Variants in WWOX observed in about 807,000 individuals in gnomAD.
The protein encoded by WWOX is WW domain-containing oxidoreductase.
In WWOX, 69 loss-of-function variants were observed where a neutral mutation model predicts 46.2. The observed-to-expected ratio is 1.49, with a 90% CI of 1.23 to 1.82. The LOEUF is 1.82. WWOX is among the 40% of genes most tolerant of loss of function. The probability of loss-of-function intolerance (pLI) is 0.00; values close to 1 mark genes in which losing one functional copy is unlikely to be tolerated. For missense variants in WWOX, 919 were observed against 542.6 expected (o/e 1.69, Z -6.89); for synonymous variants, 359 against 202.6 (o/e 1.77, Z -6.56).
intron 5 of WWOX, among the ~76,000 whole-genome samples, chr16:78,359,528 G>A (rs2081365262): frequency 6.6e-6 from 1 of 152,040 alleles, no homozygotes; most frequent in Non-Finnish European, 1.5e-5. Flanking sequence ...CTATCTTAGA[G>A]CTGAAAGATA....
intron 8 of WWOX, among the ~76,000 whole-genome samples, chr16:78,870,847 C>G (rs990148457): frequency 1.3e-5 from 2 of 152,164 alleles, no homozygotes; most frequent in Non-Finnish European, 2.9e-5. Context: ...GGCAGTCTGC[C>G]CACCTCAGCT....
chr16:78,999,604 T>G (rs1393437658), intron 8 of WWOX, among the ~76,000 whole-genome samples: 1 of 152,138 alleles, frequency 6.6e-6, no homozygotes, highest in South Asian at 2.1e-4. Context: ...GTGAAGAAAT[T>G]TTAGGAATAC....
intron 8 of WWOX, among the ~76,000 whole-genome samples, chr16:79,019,857 C>G (rs1290005340): frequency 6.6e-6 from 1 of 152,156 alleles, no homozygotes; most frequent in Non-Finnish European, 1.5e-5. Flanking sequence ...TGATTTCAGG[C>G]TAGTTAAGCA....
rs28703128 is a variant in WWOX at position 78,300,577 on chromosome 16, C to A, written c.517-86283C>A. On this transcript the variant is annotated intron_variant, in intron 5 of 8. Transcript: ENST00000566780. ...CTCCCTCCCTTCCCTCTCTTCCTTT[C>A]GCATCTGACATCTCCAAATAGTTTT... is the stretch of plus-strand genomic sequence containing the variant. 4.0e-5 allele frequency among the ~76,000 whole-genome samples: 6 copies of A among 151,420 alleles called. No individual in the cohort carries two copies. In the East Asian group the frequency reaches 1.2e-3, roughly 30 times the overall value.
intron 5 of WWOX, among the ~76,000 whole-genome samples, chr16:78,366,338 C>A (rs373956425): frequency 6.6e-6 from 1 of 152,206 alleles, no homozygotes; most frequent in East Asian, 1.9e-4. Flanking sequence ...CTATGCCTAT[C>A]CACACATCCT....
At chr16:78,712,859 GC>G (rs1424057824) in intron 8 of WWOX, among the ~76,000 whole-genome samples, 3 of 152,090 alleles carry the variant, frequency 2.0e-5, no homozygotes, top group Non-Finnish European at 4.4e-5. Flanking sequence ...ATTATTGTTG[GC>G]CGACTGTGGG....
At chr16:79,089,368 G>T (rs1325467920) in intron 8 of WWOX, among the ~76,000 whole-genome samples, 3 of 146,052 alleles carry the variant, frequency 2.1e-5, no homozygotes, top group Admixed American at 1.4e-4. Context: ...GTCTAGCTCT[G>T]TCGCCCAGGC....
intron 8 of WWOX, among the ~76,000 whole-genome samples, chr16:78,454,511 T>C (rs1367447840): frequency 1.3e-5 from 2 of 152,136 alleles, no homozygotes; most frequent in Non-Finnish European, 2.9e-5. Context: ...GTTTGTTTCT[T>C]TGTTTGTTTT....
At chr16:78,932,518 A>C (rs1377049970) in intron 8 of WWOX, among the ~76,000 whole-genome samples, 1 of 152,196 alleles carries the variant, frequency 6.6e-6, no homozygotes, top group Non-Finnish European at 1.5e-5. Flanking sequence ...CAAACCTTGA[A>C]GTGGGCCCTG....
chr16:78,191,247 C>G (rs746939930), intron 5 of WWOX, among the ~76,000 whole-genome samples: 1 of 152,168 alleles, frequency 6.6e-6, no homozygotes, highest in Non-Finnish European at 1.5e-5. Flanking sequence ...GGGCCCACAG[C>G]TCCTCCACCT....
intron 8 of WWOX, among the ~76,000 whole-genome samples, chr16:79,094,406 T>A (rs1442785409): frequency 1.3e-5 from 2 of 152,016 alleles, no homozygotes; most frequent in Non-Finnish European, 2.9e-5. Context: ...CCCGCCACCA[T>A]GTCCAGCTAA....
At chr16:78,275,287 G>C (rs2079556291) in intron 5 of WWOX, among the ~76,000 whole-genome samples, 1 of 152,138 alleles carries the variant, frequency 6.6e-6, no homozygotes, top group African/African-American at 2.4e-5. Flanking sequence ...GGAAGGTCTG[G>C]CACCTTTGCT....
chr16:78,266,788 T>TTCTCTCTCTCTCTCTCTCTCTCTCTC lies in WWOX; in HGVS notation c.516+102511_516+102536dup, dbSNP rs60393431. Among the ~76,000 whole-genome samples the TTCTCTCTCTCTCTCTCTCTCTCTCTC allele has an allele frequency of 5.3e-3, 610 of 115,580 alleles. 29 individuals are homozygous for TTCTCTCTCTCTCTCTCTCTCTCTCTC. The highest frequency in any genetic ancestry group is 9.4e-3 in the Middle Eastern group (2 of 212). 75.8% of individuals were successfully genotyped at this position (115,580 alleles called of 152,430 possible). ...GATAAATGCAAGTTCTATTCTTCTA[T>TTCTCTCTCTCTCTCTCTCTCTCTCTC]TCTCTCTCTCTCTCTCTCTCTCTCT... On this transcript the variant is annotated intron_variant, in intron 5 of 8. Coordinates refer to ENST00000566780, the MANE Select transcript of WWOX (RefSeq NM_016373.4).
chr16:79,096,396 C>T (rs1221299827), intron 8 of WWOX, among the ~76,000 whole-genome samples: 2 of 152,120 alleles, frequency 1.3e-5, no homozygotes, highest in African/African-American at 4.8e-5. Context: ...TTCTTCCTGC[C>T]AGTGCTCTTC....
chr16:79,075,588 T>G (rs1214966327), intron 8 of WWOX, among the ~76,000 whole-genome samples: 2 of 152,004 alleles, frequency 1.3e-5, no homozygotes, highest in African/African-American at 2.4e-5. Flanking sequence ...AGTCTTGCTC[T>G]GTCACCCAGG....
chr16:79,121,524 G>C (rs1303910855), intron 8 of WWOX, among the ~76,000 whole-genome samples: 2 of 152,180 alleles, frequency 1.3e-5, no homozygotes, highest in East Asian at 1.9e-4. Context: ...TGGGTACATA[G>C]ACACTCGTCT....
intron 5 of WWOX, among the ~76,000 whole-genome samples, chr16:78,363,476 G>C (rs772886681): frequency 4.6e-5 from 7 of 151,938 alleles, no homozygotes; most frequent in African/African-American, 7.3e-5. Flanking sequence ...ACAGTGTCTT[G>C]CTGTGTTTCC....
intron 5 of WWOX, among the ~76,000 whole-genome samples, chr16:78,246,662 CT>C (rs1283679064): frequency 6.6e-6 from 1 of 152,178 alleles, no homozygotes. Context: ...ATGGAAAAGG[CT>C]TTGCTTTTAA....
chr16:79,035,281 C>G (rs998413893), intron 8 of WWOX, among the ~76,000 whole-genome samples: 11 of 152,162 alleles, frequency 7.2e-5, no homozygotes, highest in African/African-American at 2.7e-4. Flanking sequence ...CTCCTGGAAA[C>G]CCAGTCCATC....
Sources: gnomAD v4.1 joint callset for allele counts (sites outside exome capture counted in the v4.1 genomes callset) on GRCh38, gnomAD v4.1.1 for gene constraint, MANE v1.5 for transcripts, NCBI Gene and HGNC (gene_info 2026-07-23, HGNC 2026-07-21) for gene names.